Variants in DLGAP2 observed in about 807,000 individuals in gnomAD.
DLGAP2 encodes the protein DLG associated protein 2, also known as disks large-associated protein 2.
Under a neutral mutation model 100.3 loss-of-function variants are expected in DLGAP2, and 26 were observed. That is an observed-to-expected ratio of 0.26 (90% CI 0.19 to 0.36). DLGAP2 has a LOEUF of 0.36. DLGAP2 is among the 10% of genes least tolerant of loss of function. DLGAP2 has a pLI of 1.00. For synonymous variants in DLGAP2, 886 were observed against 630.1 expected (o/e 1.41, Z -6.08); for missense variants, 1,858 against 1,453.2 (o/e 1.28, Z -4.53).
intron 2 of DLGAP2, among the ~76,000 whole-genome samples, chr8:1,135,593 G>A (rs765922823): frequency 7.5e-5 from 11 of 147,508 alleles, no homozygotes; most frequent in Non-Finnish European, 3.0e-5. Flanking sequence ...ACGGAGCGTG[G>A]CACACCTAAG....
intron 3 of DLGAP2, among the ~76,000 whole-genome samples, chr8:1,344,089 C>T (rs74320311): frequency 1.1e-4 from 6 of 52,234 alleles, no homozygotes; most frequent in East Asian, 1.6e-3. Flanking sequence ...ATGTCGTACT[C>T]GGGGCCCTGT....
chr8:1,517,305 G>A (rs986868222), intron 4 of DLGAP2, among the ~76,000 whole-genome samples: 8 of 152,186 alleles, frequency 5.3e-5, no homozygotes, highest in Non-Finnish European at 1.0e-4. Context: ...TAGACCTGGA[G>A]TGGCCAGACC....
intron 3 of DLGAP2, among the ~76,000 whole-genome samples, chr8:1,408,023 A>G (rs923429407): frequency 1.5e-4 from 23 of 152,204 alleles, no homozygotes; most frequent in Non-Finnish European, 3.2e-4. Context: ...TCAGCACTGG[A>G]TGCCAGTCAG....
Position 1,502,196 on chromosome 8 carries a change from C to G in DLGAP2, c.172+765C>G, listed in dbSNP as rs562755564. ...GTTGCTGTCTGTGGTTATTCTCTAACCTAAAAGATTGTCAGCCTCTTTCTC... is the reference window on the plus strand; with the variant it reads ...GTTGCTGTCTGTGGTTATTCTCTAAGCTAAAAGATTGTCAGCCTCTTTCTC... On this transcript the variant is annotated intron_variant, in intron 4 of 14. Coordinates refer to ENST00000637795, the MANE Select transcript of DLGAP2 (RefSeq NM_001346810.2). Among the ~76,000 whole-genome samples, 58 of 152,318 alleles carry G rather than the reference C, an allele frequency of 3.8e-4. 2 individuals carry two copies. In the South Asian group the frequency reaches 0.011, roughly 29 times the overall value.
intron 4 of DLGAP2, among the ~76,000 whole-genome samples, chr8:1,542,357 T>A (rs1396262006): frequency 1.3e-5 from 2 of 152,226 alleles, no homozygotes; most frequent in African/African-American, 2.4e-5. Context: ...ATTTAAAACA[T>A]CTTCACCCCA....
At chr8:1,596,231 C>T (rs1464898517) in intron 6 of DLGAP2, among the ~76,000 whole-genome samples, 9 of 152,152 alleles carry the variant, frequency 5.9e-5, no homozygotes, top group Non-Finnish European at 1.0e-4. Flanking sequence ...CATAGTATTC[C>T]ATGGTGTATA....
intron 3 of DLGAP2, among the ~76,000 whole-genome samples, chr8:1,291,516 C>T (rs1251823714): frequency 6.6e-6 from 1 of 152,146 alleles, no homozygotes; most frequent in African/African-American, 2.4e-5. Flanking sequence ...GGAGGAGAAG[C>T]CCATGACACA....
chr8:1,666,081 A>G (rs369645119), intron 8 of DLGAP2, among the ~76,000 whole-genome samples: 2 of 152,310 alleles, frequency 1.3e-5, no homozygotes, highest in African/African-American at 4.8e-5. Flanking sequence ...CGGAAAAACG[A>G]AATATTTCCT....
chr8:1,523,517 G>A (rs1165353608), intron 4 of DLGAP2, among the ~76,000 whole-genome samples: 3 of 152,206 alleles, frequency 2.0e-5, no homozygotes, highest in African/African-American at 7.2e-5. Context: ...CTTAGACGGG[G>A]GGGAAGGACT....
chr8:1,056,312 A>G (rs773028788), intron 2 of DLGAP2, among the ~76,000 whole-genome samples: 1 of 152,116 alleles, frequency 6.6e-6, no homozygotes, highest in Non-Finnish European at 1.5e-5. Context: ...ATAGTTTCAC[A>G]TAACTGTTCC....
At chr8:1,138,708 G>A (rs191833821) in intron 2 of DLGAP2, among the ~76,000 whole-genome samples, 4 of 152,248 alleles carry the variant, frequency 2.6e-5, no homozygotes, top group Non-Finnish European at 2.9e-5. Flanking sequence ...GTCTGCAGCG[G>A]TGCCTTCTCT....
rs181771497 is a variant in DLGAP2 at position 892,637 on chromosome 8, T to C, written c.19-15275T>C. ...TAGCTGCGTGGCTTCCCTGGGTAGG[T>C]CAGCTCCCTGGTCTGTTCCCTGTGC... On this transcript the variant is annotated intron_variant, in intron 1 of 14. Transcript: ENST00000637795. Among the ~76,000 whole-genome samples the C allele has an allele frequency of 2.6e-3, 390 of 152,230 alleles. 2 individuals carry two copies. The East Asian group carries it at 0.032, about 12-fold the overall frequency.
intron 8 of DLGAP2, among the ~76,000 whole-genome samples, chr8:1,654,663 A>G (rs1289949193): frequency 6.8e-6 from 1 of 146,574 alleles, no homozygotes; most frequent in East Asian, 1.9e-4. Flanking sequence ...CTCCGTCTCA[A>G]AAAAAAAAAA....
chr8:1,339,588 C>T (rs1026551695), intron 3 of DLGAP2, among the ~76,000 whole-genome samples: 38 of 152,296 alleles, frequency 2.5e-4, no homozygotes, highest in African/African-American at 9.1e-4. Context: ...TTATTTTTTT[C>T]CATGTTTTCT....
chr8:870,589 G>A (rs757235157), intron 1 of DLGAP2, among the ~76,000 whole-genome samples: 2 of 152,046 alleles, frequency 1.3e-5, no homozygotes, highest in Non-Finnish European at 2.9e-5. Flanking sequence ...TCTGGTTCCT[G>A]GACTCCTCAG....
Position 1,701,173 on chromosome 8 carries a change from T to A in DLGAP2, c.2950-15T>A. On this transcript the variant is annotated splice_polypyrimidine_tract_variant and intron_variant, in intron 14 of 14. Transcript: ENST00000637795. The stretch of plus-strand genomic sequence containing the variant: ...CTCCGAGCACCTGCCAACGGTGACT[T>A]GCGCTGCTTTTCAGGAAGAAAGAAA... The A allele has an allele frequency of 6.4e-7, 1 of 1,551,594 alleles. No homozygotes were observed. The highest frequency in any genetic ancestry group is 8.7e-7 in the Non-Finnish European group (1 of 1,148,248).
At chr8:1,418,542 A>T (rs1404868388) in intron 3 of DLGAP2, among the ~76,000 whole-genome samples, 1 of 152,202 alleles carries the variant, frequency 6.6e-6, no homozygotes, top group Non-Finnish European at 1.5e-5. Flanking sequence ...TGGAAGCTTC[A>T]CCTGGCTGCC....
intron 2 of DLGAP2, among the ~76,000 whole-genome samples, chr8:971,258 C>G (rs977583492): frequency 3.3e-5 from 5 of 152,154 alleles, no homozygotes; most frequent in Non-Finnish European, 5.9e-5. Context: ...AATAAAATGA[C>G]TAATAACCCA....
chr8:1,187,630 G>A (rs1238002969), intron 2 of DLGAP2, among the ~76,000 whole-genome samples: 16 of 137,676 alleles, frequency 1.2e-4, no homozygotes, highest in African/African-American at 4.1e-4. Flanking sequence ...CAGGACCTCC[G>A]TGACGTTTGT....
Sources: allele counts gnomAD v4.1 joint callset (sites outside exome capture counted in the v4.1 genomes callset), GRCh38; gene constraint gnomAD v4.1.1; transcripts MANE v1.5; gene names NCBI Gene and HGNC (gene_info 2026-07-23, HGNC 2026-07-21).